ACOT9: variants seen among roughly 807,000 people sequenced by gnomAD.
The protein encoded by ACOT9 is acyl-coenzyme A thioesterase 9, mitochondrial.
In ACOT9, 34 loss-of-function variants were observed where a neutral mutation model predicts 39.7. The observed-to-expected ratio is 0.86, with a 90% CI of 0.65 to 1.14. The LOEUF (loss-of-function observed/expected upper bound fraction) is 1.14. ACOT9 is among the 50% of genes most tolerant of loss of function. The probability of loss-of-function intolerance (pLI) is 0.00; values close to 1 mark genes in which losing one functional copy is unlikely to be tolerated. For missense variants in ACOT9, 313 were observed against 344.1 expected, an observed-to-expected ratio of 0.91 and a Z score of 0.71; for synonymous variants, 110 against 120.5, an observed-to-expected ratio of 0.91 and a Z score of 0.57.
chrX:23,709,782 G>A (rs1361621310), intron 9 of ACOT9, among the ~76,000 whole-genome samples: 1 of 111,466 alleles, frequency 9.0e-6, no homozygotes, highest in Admixed American at 9.6e-5. Flanking sequence ...TCTCAGTTTG[G>A]GTGTAACTGT....
rs762825775 is a variant in ACOT9, at chrX:23,703,160, G to C, written c.*734C>G. On this transcript the variant is annotated 3_prime_UTR_variant, in exon 16 of 16. Coordinates refer to ENST00000379303, the MANE Select transcript of ACOT9 (RefSeq NM_001037171.2). ...CTCTGACAACAAAAGCTGGGAAATAGAGGGAAGCAAAGGAATCATGTACGG... is the reference window on the plus strand; with the variant it reads ...CTCTGACAACAAAAGCTGGGAAATACAGGGAAGCAAAGGAATCATGTACGG... The C allele has an allele frequency of 2.7e-5, 3 of 111,842 alleles. No individual in the cohort carries two copies. In the South Asian group the frequency reaches 1.1e-3, roughly 41 times the overall value. 9.2% of individuals were successfully genotyped at this position (111,842 alleles called of 1,213,427 possible).
intron 9 of ACOT9, among the ~76,000 whole-genome samples, chrX:23,711,563 AC>A (rs137995958): frequency 5.4e-5 from 6 of 111,466 alleles, no homozygotes; most frequent in Non-Finnish European, 9.4e-5. Context: ...AGAAGGAATG[AC>A]AAAATTTGAG....
intron 2 of ACOT9, among the ~76,000 whole-genome samples, chrX:23,735,605 C>G (rs1412021067): frequency 9.0e-6 from 1 of 111,067 alleles, no homozygotes; most frequent in African/African-American, 3.3e-5. Context: ...GGAGTGTTTA[C>G]TTGATACAAC....
chrX:23,714,377 A>C (rs1201896249), intron 8 of ACOT9, among the ~76,000 whole-genome samples: 2 of 111,539 alleles, frequency 1.8e-5, no homozygotes, highest in African/African-American at 6.5e-5. Context: ...GTTAAGTTAA[A>C]TACAGGTTGA....
intron 4 of ACOT9, among the ~76,000 whole-genome samples, chrX:23,732,885 T>C (rs1279370027): frequency 1.8e-5 from 2 of 112,028 alleles, no homozygotes; most frequent in African/African-American, 3.2e-5. Context: ...CAGGAACATA[T>C]GTCGTAAGCA....
rs1423660562 is a variant in ACOT9, at chrX:23,713,315, C to T, written c.589-107G>A. Reference sequence around the variant, plus strand: ...TATGCTGGCCAGGTGCAGTCGCTCACGCCTATAATCCCAGCACTTTGAGAG... The same window carrying T: ...TATGCTGGCCAGGTGCAGTCGCTCATGCCTATAATCCCAGCACTTTGAGAG... On this transcript the variant is annotated intron_variant, in intron 8 of 15. Coordinates refer to ENST00000379303, the MANE Select transcript of ACOT9 (RefSeq NM_001037171.2). 11 of 599,588 alleles carry T rather than the reference C, an allele frequency of 1.8e-5. No individual in the cohort carries two copies. In the African/African-American group the frequency reaches 2.5e-4, roughly 14 times the overall value. 49.4% of individuals were successfully genotyped at this position (599,588 alleles called of 1,213,427 possible). A position where few individuals can be genotyped will look rare whatever the true frequency, so the allele number is the denominator to read the frequency against.
intron 6 of ACOT9, among the ~76,000 whole-genome samples, chrX:23,729,695 G>A (rs761529963): frequency 1.4e-4 from 16 of 111,995 alleles, no homozygotes; most frequent in African/African-American, 4.2e-4. Context: ...GCAGTGGCGC[G>A]ATCTCGGCTC....
At position 23,735,844 on chromosome X, in the gene ACOT9, C is replaced by G. The variant is rs1473129641; in HGVS notation, c.118+75G>C. Reference sequence around the variant, plus strand: ...ATGCCTCATTTGCTCTAAACTATCACTCTATATACCTTTCAAATAAAAGTA... The same window carrying G: ...ATGCCTCATTTGCTCTAAACTATCAGTCTATATACCTTTCAAATAAAAGTA... On this transcript the variant is annotated intron_variant, in intron 2 of 15. Transcript: ENST00000379303. 4.3e-6 allele frequency: 4 copies of G among 923,215 alleles called. No homozygotes were observed. The Admixed American group carries it at 9.9e-5, about 23-fold the overall frequency. The allele number at this position is 923,215 out of a possible 1,213,427, so 76.1% of individuals were successfully genotyped here. A position where few individuals can be genotyped will look rare whatever the true frequency, so the allele number is the denominator to read the frequency against.
chrX:23,730,892 A>C lies in ACOT9; in HGVS notation c.286T>G (p.Tyr96Asp). 1 of 1,210,580 alleles carries C rather than the reference A, an allele frequency of 8.3e-7. No individual in the cohort carries two copies. The highest frequency in any genetic ancestry group is 1.7e-5 in the African/African-American group (1 of 57,988). Reference sequence around the variant, plus strand: ...CCCAAAGGCAAGAGAACTTCAATATAACTGTCCTTCATTCTCCTAGGAGGC... The same window carrying C: ...CCCAAAGGCAAGAGAACTTCAATATCACTGTCCTTCATTCTCCTAGGAGGC... ...GLPPRRMKDS[Y>D]IEVLLPLGSE... The change falls in exon 5 of 16, where the codon TAT becomes GAT. Residue 96 changes from tyrosine (Y) to aspartate (D), a missense_variant. Transcript: ENST00000379303.
At chrX:23,708,453 C>T (rs1169966268) in intron 9 of ACOT9, among the ~76,000 whole-genome samples, 1 of 110,022 alleles carries the variant, frequency 9.1e-6, no homozygotes, top group Non-Finnish European at 1.9e-5. Flanking sequence ...TTGCTTGAAC[C>T]CAGGAGGTGG....
intron 8 of ACOT9, 116 bp downstream of exon 8, chrX:23,721,765 T>G (rs1929326511): frequency 1.9e-6 from 1 of 519,858 alleles, no homozygotes; most frequent in Admixed American, 4.0e-5. Flanking sequence ...TCAACTGTTT[T>G]TCTAGAAGCA....
rs775954967 is a variant in ACOT9 at position 23,713,548 on chromosome X, AAAAAAAAAAAAAG to A, written c.589-353_589-341del. 5.1e-5 allele frequency among the ~76,000 whole-genome samples: 5 copies of A among 97,736 alleles called. No individual in the cohort carries two copies. In the East Asian group the frequency reaches 1.0e-3, roughly 20 times the overall value. 84.9% of individuals were successfully genotyped at this position (97,736 alleles called of 115,157 possible). A position where few individuals can be genotyped will look rare whatever the true frequency, so the allele number is the denominator to read the frequency against. Reference sequence around the variant, plus strand: ...GAGCCGAGATTGCAGGCCCCTGTCTAAAAAAAAAAAAAGAAAAAAAAAAAAGAGAGAGAGAGAG... The same window carrying A: ...GAGCCGAGATTGCAGGCCCCTGTCTAAAAAAAAAAAAAGAGAGAGAGAGAG... On this transcript the variant is annotated intron_variant, in intron 8 of 15. Transcript: ENST00000379303.
chrX:23,731,050 C>T, intron 4 of ACOT9, 64 bp from the exon 5 acceptor site: 1 of 987,924 alleles, frequency 1.0e-6, no homozygotes. Context: ...TCCAGTGGTA[C>T]ACAGGCCAGT....
intron 6 of ACOT9, among the ~76,000 whole-genome samples, chrX:23,725,328 G>A (rs12557776): frequency 0.16 from 16,824 of 107,470 alleles, 1,185 homozygotes; most frequent in East Asian, 0.35. Context: ...AAAATTAGCT[G>A]GGCGTTGTGG....
chrX:23,703,878 A>T lies in ACOT9; in HGVS notation c.*16T>A. 1 of 1,199,434 alleles carries T rather than the reference A, an allele frequency of 8.3e-7. No individual in the cohort carries two copies. Among genetic ancestry groups the T allele is most frequent in the Non-Finnish European group, 1.1e-6 (1 of 885,043 alleles). On this transcript the variant is annotated 3_prime_UTR_variant, in exon 16 of 16. Coordinates refer to ENST00000379303, the MANE Select transcript of ACOT9 (RefSeq NM_001037171.2). ...CACTGTGGGTAGAGTGCTAGTTTTC[A>T]ACAAATGTGGTGTTCTTAGGGCTCC...
chrX:23,736,003 C>G lies in ACOT9; in HGVS notation c.34G>C (p.Gly12Arg), dbSNP rs1929940080. ...CTTCCAGGAGTAAGCTGCCCTTTGCCCAAGGCACAAAGCCTATAAAACAAG... is the reference window on the plus strand; with the variant it reads ...CTTCCAGGAGTAAGCTGCCCTTTGCGCAAGGCACAAAGCCTATAAAACAAG... ...RRAALRLCAL[G>R]KGQLTPGRGL... Residue 12 changes from glycine (G) to arginine (R), a missense_variant, in exon 2 of 16, where the codon GGC (glycine) becomes CGC (arginine). Gly to Arg is a moderately radical substitution (Grantham distance 125, BLOSUM62 -2). Coordinates refer to ENST00000379303, the MANE Select transcript of ACOT9 (RefSeq NM_001037171.2). The G allele has an allele frequency of 8.3e-7, 1 of 1,206,563 alleles. No homozygotes were observed. Among genetic ancestry groups the G allele is most frequent in the Non-Finnish European group, 1.1e-6 (1 of 893,593 alleles).
rs939653966 is a variant in ACOT9 at position 23,702,712 on chromosome X, T to C, written c.*1182A>G. 9.0e-5 allele frequency: 10 copies of C among 111,565 alleles called. No individual in the cohort carries two copies. The highest frequency in any genetic ancestry group is 3.3e-4 in the African/African-American group (10 of 30,739). The allele number at this position is 111,565 out of a possible 1,213,427, so 9.2% of individuals were successfully genotyped here. A position where few individuals can be genotyped will look rare whatever the true frequency, so the allele number is the denominator to read the frequency against. Reference sequence around the variant, plus strand: ...TTTTGAATCCCAGCACCTCCACATGTTACGCGTCGGACCTCCAGGAAGTTA... The same window carrying C: ...TTTTGAATCCCAGCACCTCCACATGCTACGCGTCGGACCTCCAGGAAGTTA... On this transcript the variant is annotated 3_prime_UTR_variant, in exon 16 of 16. Transcript: ENST00000379303.
At chrX:23,711,853 T>C (rs73625170) in intron 9 of ACOT9, among the ~76,000 whole-genome samples, 1,954 of 111,204 alleles carry the variant, frequency 0.018, 40 homozygotes, top group African/African-American at 0.06. Flanking sequence ...TACAACATCA[T>C]CTATGTAGTA....
At chrX:23,734,241 C>T in intron 3 of ACOT9, 100 bp downstream of exon 3, 4 of 697,784 alleles carry the variant, frequency 5.7e-6, no homozygotes, top group Non-Finnish European at 8.6e-6. Flanking sequence ...GCAAAGAATG[C>T]AATTTTAGTT....
Sources: allele counts gnomAD v4.1 joint callset (sites outside exome capture counted in the v4.1 genomes callset), GRCh38; gene constraint gnomAD v4.1.1; transcripts MANE v1.5; gene names NCBI Gene and HGNC (gene_info 2026-07-23, HGNC 2026-07-21).